NFIA: variants seen among roughly 807,000 people sequenced by gnomAD.
NFIA encodes the protein nuclear factor 1 A-type.
Under a neutral mutation model 62.8 loss-of-function variants are expected in NFIA, and 8 were observed. That is an observed-to-expected ratio of 0.13 (90% CI 0.07 to 0.23). The LOEUF is 0.23. Among genes scored for constraint, NFIA ranks in the 10% least tolerant of loss-of-function variants. The pLI is 1.00. For missense variants in NFIA, 410 were observed against 642.1 expected (o/e 0.64, Z 3.91); for synonymous variants, 235 against 238.1 (o/e 0.99, Z 0.12).
intron 10 of NFIA, among the ~76,000 whole-genome samples, chr1:61,450,441 G>A (rs2100587513): frequency 6.6e-6 from 1 of 152,312 alleles, no homozygotes; most frequent in Middle Eastern, 3.4e-3. Flanking sequence ...ACCCACTGGA[G>A]TAGTGTGAAG....
At position 61,406,576 on chromosome 1, in the gene NFIA, C is replaced by G; in HGVS notation, c.1269C>G (p.Ser423Arg). 1 of 1,481,198 alleles carries G rather than the reference C, an allele frequency of 6.8e-7. No homozygotes were observed. Among genetic ancestry groups the G allele is most frequent in the Non-Finnish European group, 9.1e-7 (1 of 1,104,038 alleles). 91.8% of individuals were successfully genotyped at this position (1,481,198 alleles called of 1,614,324 possible). A position where few individuals can be genotyped will look rare whatever the true frequency, so the allele number is the denominator to read the frequency against. The change falls in exon 9 of 11, where the codon AGC (serine) becomes AGG (arginine). Residue 423 changes from serine (S) to arginine (R), a missense_variant. Ser to Arg is a moderately radical substitution (Grantham distance 110). Coordinates refer to ENST00000403491, the MANE Select transcript of NFIA (RefSeq NM_001134673.4). ...CCCCCCCACAGCCCAATGGGAGCAG[C>G]CAAGGCAAGGTGCACAACCCATTCC... ...QVGFLNPNGS[S>R]QGKVHNPFLP...
At chr1:61,343,038 A>G (rs1475453223) in intron 4 of NFIA, among the ~76,000 whole-genome samples, 1 of 152,194 alleles carries the variant, frequency 6.6e-6, no homozygotes, top group Non-Finnish European at 1.5e-5. Flanking sequence ...GCTCTTAGCT[A>G]TTTTTCATTA....
At chr1:61,230,340 G>A (rs1360369182) in intron 2 of NFIA, among the ~76,000 whole-genome samples, 1 of 152,156 alleles carries the variant, frequency 6.6e-6, no homozygotes, top group African/African-American at 2.4e-5. Flanking sequence ...TCTGAATTAT[G>A]AGAGTTATAT....
chr1:61,366,457 CAATT>C (rs1270813804), intron 6 of NFIA, among the ~76,000 whole-genome samples: 2 of 152,142 alleles, frequency 1.3e-5, no homozygotes, highest in African/African-American at 2.4e-5. Context: ...GATTGTAAAA[CAATT>C]AACAGACACA....
At chr1:61,126,474 A>ACACACT (rs1339928745) in intron 2 of NFIA, among the ~76,000 whole-genome samples, 3 of 143,070 alleles carry the variant, frequency 2.1e-5, no homozygotes, top group Admixed American at 2.1e-4. Context: ...ACACACACAC[A>ACACACT]CTCACAGAAA....
chr1:61,250,486 A>G (rs1410494251), intron 2 of NFIA, among the ~76,000 whole-genome samples: 1 of 152,194 alleles, frequency 6.6e-6, no homozygotes, highest in Non-Finnish European at 1.5e-5. Context: ...CCACTTCCAT[A>G]TGATCTACAT....
chr1:61,083,246 C>T (rs1408080730), intron 1 of NFIA, among the ~76,000 whole-genome samples: 2 of 152,118 alleles, frequency 1.3e-5, no homozygotes, highest in African/African-American at 4.8e-5. Flanking sequence ...TGCCGCAGCG[C>T]CCGGGGAGGG....
intron 2 of NFIA, among the ~76,000 whole-genome samples, chr1:61,117,127 C>G (rs1189588440): frequency 1.3e-5 from 2 of 152,162 alleles, no homozygotes. Flanking sequence ...CAATTTCACC[C>G]TCTCCAGCAT....
intron 10 of NFIA, among the ~76,000 whole-genome samples, chr1:61,452,836 T>A (rs954344307): frequency 6.6e-6 from 1 of 152,234 alleles, no homozygotes; most frequent in East Asian, 1.9e-4. Context: ...TGATTTGTGT[T>A]ACTGAATACC....
Position 61,082,824 on chromosome 1 carries a change from C to A in NFIA, c.27+6C>A. The A allele has an allele frequency of 6.5e-7, 1 of 1,549,626 alleles. No individual in the cohort carries two copies. The highest frequency in any genetic ancestry group is 1.4e-5 in the African/African-American group (1 of 72,888). On this transcript the variant is annotated splice_donor_region_variant and intron_variant, in intron 1 of 10. Coordinates refer to ENST00000403491, the MANE Select transcript of NFIA (RefSeq NM_001134673.4). ...CTCCGCTCTGTCTCACCCAGGTAAG[C>A]CGCGGCGTGGATGCGGAGGGCTTGG...
chr1:61,320,092 A>C (rs1396913038), intron 3 of NFIA, among the ~76,000 whole-genome samples: 1 of 151,138 alleles, frequency 6.6e-6, no homozygotes, highest in Non-Finnish European at 1.5e-5. Context: ...TTCTCTTCCA[A>C]CCACTCCCAT....
chr1:61,213,816 C>T (rs940975657), intron 2 of NFIA, among the ~76,000 whole-genome samples: 1 of 152,180 alleles, frequency 6.6e-6, no homozygotes, highest in Non-Finnish European at 1.5e-5. Flanking sequence ...CCTACTCTGT[C>T]ACACTGCACA....
chr1:61,124,428 C>A (rs1459127728), intron 2 of NFIA, among the ~76,000 whole-genome samples: 1 of 152,160 alleles, frequency 6.6e-6, no homozygotes, highest in Admixed American at 6.5e-5. Flanking sequence ...CAGGAAAAGT[C>A]AATTCTGTCT....
In NFIA at chr1:61,088,259, G is replaced by A. The variant is rs1222615723; in HGVS notation, c.138G>A (p.Lys46=). ...RKRKYFKKHE[K]RMSKEEERAV... is the part of the protein sequence containing the mutation. Reference sequence around the variant, plus strand: ...GAAAATACTTCAAAAAACATGAAAAGCGTATGTCAAAAGAAGAAGAGAGAG... The same window carrying A: ...GAAAATACTTCAAAAAACATGAAAAACGTATGTCAAAAGAAGAAGAGAGAG... Residue 46 remains lysine, a synonymous_variant, in exon 2 of 11, where the codon AAG becomes AAA. Transcript: ENST00000403491. The surrounding 1 kb of genome is among the most constrained non-coding windows in gnomAD (Gnocchi z 4.5). 5 of 1,613,590 alleles carry A rather than the reference G, an allele frequency of 3.1e-6. No homozygotes were observed. Among genetic ancestry groups the A allele is most frequent in the Admixed American group, 1.7e-5 (1 of 59,948 alleles).
rs1243938436 is a variant in NFIA, at chr1:61,461,300, G to A, written c.*5980G>A. 6.6e-6 allele frequency: 1 copy of A among 152,092 alleles called. No homozygotes were observed. Among genetic ancestry groups the A allele is most frequent in the African/African-American group, 2.4e-5 (1 of 41,404 alleles). The allele number at this position is 152,092 out of a possible 1,614,324, so 9.4% of individuals were successfully genotyped here. On this transcript the variant is annotated 3_prime_UTR_variant, in exon 11 of 11. Transcript: ENST00000403491. ...TAAAAGGAAAAATAAGAAAAAAAAT[G>A]TAAGAAATCACATGGCTATTTAGTT...
rs189286295 is a variant in NFIA at position 61,096,265 on chromosome 1, G to T, written c.559+7585G>T. Among the ~76,000 whole-genome samples, 327 of 152,254 alleles carry T rather than the reference G, an allele frequency of 2.1e-3. 6 individuals are homozygous for T. The South Asian group carries it at 0.023, about 11-fold the overall frequency. ...TTTAGCCCTTGTTTTCTAGGCTGGA[G>T]TGCAGTGGCATGATCTCGGCTCACC... is the stretch of plus-strand genomic sequence containing the variant. On this transcript the variant is annotated intron_variant, in intron 2 of 10. Coordinates refer to ENST00000403491, the MANE Select transcript of NFIA (RefSeq NM_001134673.4).
intron 3 of NFIA, among the ~76,000 whole-genome samples, chr1:61,312,917 C>G (rs1325817497): frequency 2.6e-5 from 4 of 152,240 alleles, no homozygotes; most frequent in Admixed American, 1.3e-4. Flanking sequence ...GTAATTCTGT[C>G]CCACACCTTT....
At chr1:61,376,098 T>A (rs1042745919) in intron 6 of NFIA, among the ~76,000 whole-genome samples, 1 of 152,138 alleles carries the variant, frequency 6.6e-6, no homozygotes, top group Non-Finnish European at 1.5e-5. Context: ...TATAAAGATA[T>A]ACTCTCCAAT....
chr1:61,328,399 C>A (rs1209499496), intron 3 of NFIA, among the ~76,000 whole-genome samples: 1 of 148,104 alleles, frequency 6.8e-6, no homozygotes, highest in Admixed American at 6.9e-5. Flanking sequence ...TGATATTTTT[C>A]TCCTTCATAT....
Sources: allele counts gnomAD v4.1 joint callset (sites outside exome capture counted in the v4.1 genomes callset), GRCh38; gene constraint gnomAD v4.1.1; non-coding constraint Gnocchi (gnomAD v3.1); transcripts MANE v1.5; gene names NCBI Gene and HGNC (gene_info 2026-07-23, HGNC 2026-07-21).